Variants in LINGO2 observed in about 807,000 individuals in gnomAD.
LINGO2 encodes the protein leucine rich repeat and Ig domain containing 2, also known as leucine-rich repeat and immunoglobulin-like domain-containing nogo receptor-interacting protein 2.
In LINGO2, 14 loss-of-function variants were observed where a neutral mutation model predicts 30.6. The ratio of observed to expected loss-of-function variants is 0.46; its 90% confidence interval spans 0.30 to 0.72. The LOEUF (loss-of-function observed/expected upper bound fraction) is 0.72, where lower values mean the gene tolerates loss of function less well. Ranked by LOEUF, LINGO2 falls within the 30% of genes least tolerant of loss-of-function variation. The pLI, the probability that LINGO2 is intolerant of heterozygous loss-of-function variation, is 0.07. For synonymous variants in LINGO2, 317 were observed against 288.5 expected (o/e 1.10, Z -1.00); for missense variants, 729 against 751.7 (o/e 0.97, Z 0.35).
intron 4 of LINGO2, among the ~76,000 whole-genome samples, chr9:28,081,576 T>G (rs1427032801): frequency 6.6e-6 from 1 of 152,216 alleles, no homozygotes; most frequent in African/African-American, 2.4e-5. Flanking sequence ...TAGAAAGGTT[T>G]TGTGGAATTC....
In LINGO2 at chr9:28,104,266, G is replaced by GTTTTTTTTTTTTTT. The variant is rs74180789; in HGVS notation, c.-86-91875_-86-91862dup. Among the ~76,000 whole-genome samples, 51 of 97,440 alleles carry GTTTTTTTTTTTTTT rather than the reference G, an allele frequency of 5.2e-4. 1 individual carries two copies. Among genetic ancestry groups the GTTTTTTTTTTTTTT allele is most frequent in the Non-Finnish European group, 7.1e-4 (37 of 52,458 alleles). The allele number at this position is 97,440 out of a possible 152,430, so 63.9% of individuals were successfully genotyped here. ...TTTCCCCAGTACAAGTTTTTTGTTTGTTTTTTTTTTTTTTTTTTTTGCTTT... is the reference window on the plus strand; with the variant it reads ...TTTCCCCAGTACAAGTTTTTTGTTTGTTTTTTTTTTTTTTTTTTTTTTTTTTTTTTTTTTGCTTT... On this transcript the variant is annotated intron_variant, in intron 4 of 5. Transcript: ENST00000379992.
intron 2 of LINGO2, among the ~76,000 whole-genome samples, chr9:28,432,396 A>G (rs1346173424): frequency 6.6e-6 from 1 of 151,600 alleles, no homozygotes; most frequent in Non-Finnish European, 1.5e-5. Context: ...TATTTAAAAT[A>G]ATAAGATATT....
In LINGO2 at chr9:28,204,059, G is replaced by A. The variant is rs573647299; in HGVS notation, c.-87+91149C>T. 3.3e-5 allele frequency among the ~76,000 whole-genome samples: 5 copies of A among 152,232 alleles called. No individual in the cohort carries two copies. The East Asian group carries it at 5.8e-4, about 18-fold the overall frequency. ...GAACGTTTTTATTGAATGCCACAAA[G>A]GGCTAGTGTTGCATGGAATACTCTT... On this transcript the variant is annotated intron_variant, in intron 4 of 5. Transcript: ENST00000379992.
At chr9:28,532,719 G>C (rs1391970947) in intron 1 of LINGO2, among the ~76,000 whole-genome samples, 1 of 152,078 alleles carries the variant, frequency 6.6e-6, no homozygotes, top group Admixed American at 6.6e-5. Context: ...AACCAGCCCA[G>C]CCCGCGTTGA....
the LINGO2 span, among the ~76,000 whole-genome samples, chr9:28,861,265 A>C: frequency 8.2e-6 from 1 of 122,290 alleles, no homozygotes; most frequent in Non-Finnish European, 1.6e-5. Context: ...ATTATATAAA[A>C]TATATAATAT....
At chr9:28,020,981 G>T (rs565367465) in intron 4 of LINGO2, among the ~76,000 whole-genome samples, 1 of 152,006 alleles carries the variant, frequency 6.6e-6, no homozygotes, top group Non-Finnish European at 1.5e-5. Flanking sequence ...TCATTTCAAA[G>T]AACCAGCTTT....
chr9:28,135,686 C>CGTTAATCT (rs1827498355), intron 4 of LINGO2, among the ~76,000 whole-genome samples: 1 of 152,032 alleles, frequency 6.6e-6, no homozygotes, highest in African/African-American at 2.4e-5. Flanking sequence ...CACTCAGCCA[C>CGTTAATCT]GTTAATCTTT....
intron 4 of LINGO2, among the ~76,000 whole-genome samples, chr9:28,240,399 A>T (rs1821739440): frequency 6.6e-6 from 1 of 152,184 alleles, no homozygotes; most frequent in African/African-American, 2.4e-5. Context: ...TATAGTAACC[A>T]AAACAGCATG....
chr9:28,069,545 C>T (rs1212781715), intron 4 of LINGO2, among the ~76,000 whole-genome samples: 1 of 152,140 alleles, frequency 6.6e-6, no homozygotes, highest in Non-Finnish European at 1.5e-5. Context: ...CTAGAAACTG[C>T]TTTGCATTCA....
At chr9:29,184,107 C>T in the LINGO2 span, among the ~76,000 whole-genome samples, 10 of 152,216 alleles carry the variant, frequency 6.6e-5, no homozygotes, top group African/African-American at 2.4e-4. Context: ...CAAGTATATA[C>T]TTTCATATGG....
At chr9:28,533,346 C>G (rs1305781899) in intron 1 of LINGO2, among the ~76,000 whole-genome samples, 1 of 152,062 alleles carries the variant, frequency 6.6e-6, no homozygotes, top group African/African-American at 2.4e-5. Flanking sequence ...GGGACTCAGA[C>G]GGGCTTCCTG....
the LINGO2 span, among the ~76,000 whole-genome samples, chr9:29,120,156 C>T: frequency 2.6e-5 from 4 of 152,130 alleles, no homozygotes; most frequent in African/African-American, 9.7e-5. Context: ...AGGCTTTTCG[C>T]TTGGAGACAT....
At chr9:28,360,087 T>C (rs1426057292) in intron 3 of LINGO2, among the ~76,000 whole-genome samples, 1 of 152,214 alleles carries the variant, frequency 6.6e-6, no homozygotes, top group Non-Finnish European at 1.5e-5. Context: ...AGATCATGGT[T>C]GTAAAGTACT....
At chr9:28,591,424 G>A (rs138004112) in intron 1 of LINGO2, among the ~76,000 whole-genome samples, 5 of 152,052 alleles carry the variant, frequency 3.3e-5, no homozygotes, top group African/African-American at 1.2e-4. Flanking sequence ...ATTTATGACT[G>A]TCTCCCACTT....
the LINGO2 span, among the ~76,000 whole-genome samples, chr9:28,896,770 T>C: frequency 2.0e-5 from 3 of 152,140 alleles, no homozygotes; most frequent in Non-Finnish European, 2.9e-5. Context: ...ATCATATTAA[T>C]ATGAGAATAA....
chr9:28,916,425 G>A, the LINGO2 span, among the ~76,000 whole-genome samples: 2,455 of 152,140 alleles, frequency 0.016, 105 homozygotes, highest in Admixed American at 0.099. Context: ...CTCTGAAGCC[G>A]GCTACCTGGA....
At chr9:28,236,529 TAGAC>T (rs1821571852) in intron 4 of LINGO2, among the ~76,000 whole-genome samples, 1 of 152,122 alleles carries the variant, frequency 6.6e-6, no homozygotes, top group Non-Finnish European at 1.5e-5. Flanking sequence ...TTTTGAGACA[TAGAC>T]AGTACATATT....
intron 4 of LINGO2, among the ~76,000 whole-genome samples, chr9:28,055,779 C>G (rs935025853): frequency 1.3e-5 from 2 of 152,132 alleles, no homozygotes; most frequent in Admixed American, 1.3e-4. Flanking sequence ...AAATTGCTAT[C>G]TTTAGTTCTA....
chr9:28,261,754 T>G (rs1822572247), intron 4 of LINGO2, among the ~76,000 whole-genome samples: 1 of 151,942 alleles, frequency 6.6e-6, no homozygotes, highest in African/African-American at 2.4e-5. Context: ...AAGGTAATTA[T>G]AGACTGCAAT....
Sources: allele counts gnomAD v4.1 joint callset (sites outside exome capture counted in the v4.1 genomes callset), GRCh38; gene constraint gnomAD v4.1.1; transcripts MANE v1.5; gene names NCBI Gene and HGNC (gene_info 2026-07-23, HGNC 2026-07-21).